DPP10: variants seen among roughly 807,000 people sequenced by gnomAD.
The protein encoded by DPP10 is inactive dipeptidyl peptidase 10.
Under a neutral mutation model 120.9 loss-of-function variants are expected in DPP10, and 33 were observed. The observed-to-expected ratio is 0.27, with a 90% CI of 0.21 to 0.37. DPP10 has a LOEUF of 0.37. DPP10 is among the 10% of genes least tolerant of loss of function. DPP10 has a pLI of 1.00. For missense variants in DPP10, 816 were observed against 942.8 expected, an observed-to-expected ratio of 0.87 and a Z score of 1.76; for synonymous variants, 337 against 326.1, an observed-to-expected ratio of 1.03 and a Z score of -0.36.
At chr2:114,742,506 T>C (rs1003108563) in intron 1 of DPP10, among the ~76,000 whole-genome samples, 4 of 152,226 alleles carry the variant, frequency 2.6e-5, no homozygotes. Flanking sequence ...TTTTAATACA[T>C]GCTTTCCTTG....
chr2:114,644,598 T>A (rs1475684213), intron 1 of DPP10, among the ~76,000 whole-genome samples: 1 of 151,876 alleles, frequency 6.6e-6, no homozygotes, highest in Non-Finnish European at 1.5e-5. Flanking sequence ...GGAATCACCA[T>A]TTTTTAAAAG....
At chr2:115,532,272 G>C (rs2078515537) in intron 5 of DPP10, among the ~76,000 whole-genome samples, 1 of 151,998 alleles carries the variant, frequency 6.6e-6, no homozygotes, top group Non-Finnish European at 1.5e-5. Context: ...ATTTTACAGA[G>C]GAGACAGACT....
chr2:115,129,564 A>G (rs932523328), intron 1 of DPP10, among the ~76,000 whole-genome samples: 2 of 152,282 alleles, frequency 1.3e-5, no homozygotes, highest in South Asian at 4.1e-4. Flanking sequence ...CTTAATGAAT[A>G]TATCACTTAT....
chr2:114,757,426 GAAGGAAGGAAGGAAAA>G lies in DPP10; in HGVS notation c.60+314592_60+314607del, dbSNP rs548395502. ...AGAGAGAGGGAAGGAAGGAAGGAAA[GAAGGAAGGAAGGAAAA>G]AAGATTCATTAATAAGAATGATTCA... On this transcript the variant is annotated intron_variant, in intron 1 of 25. Coordinates refer to ENST00000410059, the MANE Select transcript of DPP10 (RefSeq NM_020868.6). Among the ~76,000 whole-genome samples the G allele has an allele frequency of 7.2e-3, 1,082 of 151,106 alleles. 8 individuals are homozygous for G. Among genetic ancestry groups the G allele is most frequent in the Non-Finnish European group, 0.012 (785 of 67,814 alleles).
At chr2:115,108,402 CAAGCA>C (rs2049052789) in intron 1 of DPP10, among the ~76,000 whole-genome samples, 1 of 152,182 alleles carries the variant, frequency 6.6e-6, no homozygotes, top group African/African-American at 2.4e-5. Flanking sequence ...CTACAAAGCT[CAAGCA>C]AATTATTTCC....
intron 24 of DPP10, among the ~76,000 whole-genome samples, chr2:115,840,543 C>T (rs1006037608): frequency 6.6e-6 from 1 of 151,702 alleles, no homozygotes; most frequent in African/African-American, 2.4e-5. Context: ...CCAGGATGGT[C>T]TCGATCTCCT....
At chr2:114,502,156 T>C (rs1683249476) in intron 1 of DPP10, among the ~76,000 whole-genome samples, 1 of 152,098 alleles carries the variant, frequency 6.6e-6, no homozygotes, top group Non-Finnish European at 1.5e-5. Context: ...GGGTTTATCA[T>C]ATTGGCCAGG....
At chr2:114,528,892 T>C (rs1013611106) in intron 1 of DPP10, among the ~76,000 whole-genome samples, 1 of 152,020 alleles carries the variant, frequency 6.6e-6, no homozygotes, top group Non-Finnish European at 1.5e-5. Flanking sequence ...TCTTTACATA[T>C]GGACAATGGG....
intron 1 of DPP10, among the ~76,000 whole-genome samples, chr2:114,970,833 C>A (rs921092655): frequency 6.6e-6 from 1 of 152,026 alleles, no homozygotes; most frequent in African/African-American, 2.4e-5. Context: ...TTAAGACAGG[C>A]AAGTAATGGA....
intron 3 of DPP10, among the ~76,000 whole-genome samples, chr2:115,365,858 G>A (rs532368270): frequency 6.6e-6 from 1 of 151,894 alleles, no homozygotes; most frequent in Non-Finnish European, 1.5e-5. Context: ...TGAATCCTGG[G>A]ATGACTATGG....
intron 3 of DPP10, among the ~76,000 whole-genome samples, chr2:115,368,871 A>G (rs1468892882): frequency 6.6e-6 from 1 of 151,896 alleles, no homozygotes; most frequent in Non-Finnish European, 1.5e-5. Flanking sequence ...AGAAAATTAT[A>G]TGATATCAAC....
intron 1 of DPP10, among the ~76,000 whole-genome samples, chr2:114,565,848 CA>C (rs1689155877): frequency 1.3e-5 from 2 of 152,202 alleles, no homozygotes; most frequent in South Asian, 4.1e-4. Flanking sequence ...CAGTGCTAGG[CA>C]CACATGGACA....
chr2:115,552,494 T>C (rs2079936530), intron 5 of DPP10, among the ~76,000 whole-genome samples: 1 of 152,160 alleles, frequency 6.6e-6, no homozygotes, highest in Non-Finnish European at 1.5e-5. Context: ...ATGAGGCTGC[T>C]GAGCTGTTCA....
chr2:114,728,180 G>A (rs961430302), intron 1 of DPP10, among the ~76,000 whole-genome samples: 1 of 152,178 alleles, frequency 6.6e-6, no homozygotes, highest in Non-Finnish European at 1.5e-5. Context: ...AAGGTAGAAG[G>A]GTGATAAAGT....
chr2:114,870,872 C>A (rs13398988), intron 1 of DPP10, among the ~76,000 whole-genome samples: 1 of 135,792 alleles, frequency 7.4e-6, no homozygotes. Context: ...GCTTAGCAAG[C>A]TTAGCTGGGC....
intron 1 of DPP10, chr2:115,144,722 G>A (rs1298081580): frequency 6.7e-6 from 1 of 150,062 alleles, no homozygotes; most frequent in East Asian, 2.0e-4. Flanking sequence ...GCTAAATGAC[G>A]AGTTAATGGG....
chr2:114,542,056 T>G (rs942917485), intron 1 of DPP10, among the ~76,000 whole-genome samples: 13 of 146,724 alleles, frequency 8.9e-5, no homozygotes, highest in African/African-American at 2.5e-5. Context: ...TTCCTTTTTT[T>G]TTTTTTTTTG....
At chr2:115,270,101 C>G (rs1029018817) in intron 1 of DPP10, among the ~76,000 whole-genome samples, 2 of 144,122 alleles carry the variant, frequency 1.4e-5, no homozygotes, top group Non-Finnish European at 3.0e-5. Context: ...CACACACACA[C>G]ACACACACAC....
chr2:115,803,527 T>C (rs1685526726), intron 19 of DPP10, among the ~76,000 whole-genome samples: 1 of 152,170 alleles, frequency 6.6e-6, no homozygotes, highest in African/African-American at 2.4e-5. Context: ...TTCCTAGTCT[T>C]CATGGTCTTT....
Sources: allele counts gnomAD v4.1 joint callset (sites outside exome capture counted in the v4.1 genomes callset), GRCh38; gene constraint gnomAD v4.1.1; transcripts MANE v1.5; gene names NCBI Gene and HGNC (gene_info 2026-07-23, HGNC 2026-07-21).